USP53: variants seen among roughly 807,000 people sequenced by gnomAD.
The protein encoded by USP53 is ubiquitin carboxyl-terminal hydrolase 53.
A neutral mutation model predicts 94.9 loss-of-function variants in USP53; 71 were observed. The observed-to-expected ratio is 0.75, with a 90% CI of 0.62 to 0.91. The LOEUF (loss-of-function observed/expected upper bound fraction) is 0.91. Among genes scored for constraint, USP53 ranks in the 40% least tolerant of loss-of-function variants. The pLI, the probability that USP53 is intolerant of heterozygous loss-of-function variation, is 0.00. For missense variants in USP53, 1,173 were observed against 1,281.0 expected (o/e 0.92, Z 1.29); for synonymous variants, 375 against 422.7 (o/e 0.89, Z 1.39).
In USP53 at chr4:119,292,600, G is replaced by A. The variant is rs200994396; in HGVS notation, c.2611G>A (p.Gly871Arg). 2.5e-6 allele frequency: 4 copies of A among 1,613,848 alleles called. No individual in the cohort carries two copies. The highest frequency in any genetic ancestry group is 2.5e-6 in the Non-Finnish European group (3 of 1,179,948). The stretch of plus-strand genomic sequence containing the variant: ...ATGGTCTTCACACCTAAGAACTGTT[G>A]GGTTAAAGCCAGAAACTGCTCCTCT... ...SLWSSHLRTV[G>R]LKPETAPLIQ... The change falls in exon 19 of 19, where the codon GGG (glycine) becomes AGG (arginine). Residue 871 changes from glycine (G) to arginine (R), a missense_variant. Physicochemically the swap from Gly to Arg is moderately radical, Grantham distance 125 (BLOSUM62 -2). Coordinates refer to ENST00000692078, the MANE Select transcript of USP53 (RefSeq NM_001371395.1).
chr4:119,253,374 G>C lies in USP53; in HGVS notation c.373-2872G>C, dbSNP rs117420077. Among the ~76,000 whole-genome samples, 470 of 152,218 alleles carry C rather than the reference G, an allele frequency of 3.1e-3. 14 individuals carry two copies. In the East Asian group the frequency reaches 0.06, roughly 19 times the overall value. On this transcript the variant is annotated intron_variant, in intron 7 of 18. Transcript: ENST00000692078. ...TCTAAGTCCCTTTGTAGAAATCTAAGGACTTGCTTCATGAATCTGGGTGCT... is the reference window on the plus strand; with the variant it reads ...TCTAAGTCCCTTTGTAGAAATCTAACGACTTGCTTCATGAATCTGGGTGCT...
intron 1 of USP53, among the ~76,000 whole-genome samples, chr4:119,213,643 T>G (rs1240088271): frequency 7.4e-6 from 1 of 134,278 alleles, no homozygotes; most frequent in Non-Finnish European, 1.6e-5. Flanking sequence ...TGGAAATAGA[T>G]ATATATATAT....
chr4:119,240,243 C>T (rs969989511), intron 5 of USP53, among the ~76,000 whole-genome samples: 1 of 151,922 alleles, frequency 6.6e-6, no homozygotes, highest in Non-Finnish European at 1.5e-5. Flanking sequence ...TATATGGATC[C>T]CTGTAGATAG....
chr4:119,279,930 G>A (rs938409473), intron 17 of USP53, among the ~76,000 whole-genome samples: 13 of 152,322 alleles, frequency 8.5e-5, no homozygotes, highest in African/African-American at 2.9e-4. Flanking sequence ...GTGCTTCCCA[G>A]GTGAGGCAAT....
intron 3 of USP53, among the ~76,000 whole-genome samples, chr4:119,222,124 A>T (rs1744619157): frequency 6.6e-6 from 1 of 151,746 alleles, no homozygotes; most frequent in African/African-American, 2.4e-5. Flanking sequence ...TAGTTTTTTT[A>T]TTTTCTTCCT....
At chr4:119,224,645 A>G (rs1745006303) in intron 3 of USP53, among the ~76,000 whole-genome samples, 3 of 152,186 alleles carry the variant, frequency 2.0e-5, no homozygotes, top group African/African-American at 7.2e-5. Flanking sequence ...CAGAGAGGAA[A>G]CTCTGGCAAT....
chr4:119,213,674 ATGTATG>A (rs1743276529), intron 1 of USP53, among the ~76,000 whole-genome samples: 1 of 77,604 alleles, frequency 1.3e-5, no homozygotes, highest in African/African-American at 4.8e-5. Context: ...GTGTGTGTGT[ATGTATG>A]TATGTATAAA....
intron 17 of USP53, among the ~76,000 whole-genome samples, chr4:119,286,418 C>A (rs752251414): frequency 5.3e-5 from 8 of 151,252 alleles, no homozygotes; most frequent in Non-Finnish European, 8.9e-5. Flanking sequence ...TTGCGAATAA[C>A]CTGGAGCCAA....
At chr4:119,231,198 A>G (rs1428743145) in intron 3 of USP53, among the ~76,000 whole-genome samples, 2 of 152,232 alleles carry the variant, frequency 1.3e-5, no homozygotes, top group Non-Finnish European at 2.9e-5. Flanking sequence ...AAGTGGATGC[A>G]GAGGTAACAT....
chr4:119,248,376 T>C (rs1271364050), intron 6 of USP53, among the ~76,000 whole-genome samples: 1 of 127,462 alleles, frequency 7.8e-6, no homozygotes, highest in Non-Finnish European at 1.7e-5. Flanking sequence ...TGCAAACATT[T>C]CTACACTTGA....
intron 3 of USP53, among the ~76,000 whole-genome samples, chr4:119,221,684 A>G (rs2149267565): frequency 6.6e-6 from 1 of 152,280 alleles, no homozygotes; most frequent in South Asian, 2.1e-4. Flanking sequence ...TGCCAGAGAT[A>G]GCAACAGGGC....
rs187230007 is a variant in USP53, at chr4:119,215,361, C to T, written c.-789+1139C>T. ...CTGCTCTACTACAAGTAAAAATCCT[C>T]AAAGGTTAAATTTTAAATAGCTTTA... is the stretch of plus-strand genomic sequence containing the variant. On this transcript the variant is annotated intron_variant, in intron 2 of 18. Transcript: ENST00000692078. Among the ~76,000 whole-genome samples, 28 of 152,222 alleles carry T rather than the reference C, an allele frequency of 1.8e-4. 1 individual carries two copies. The East Asian group carries it at 5.4e-3, about 29-fold the overall frequency.
intron 18 of USP53, 48 bp from the exon 19 acceptor site, chr4:119,292,290 T>A (rs1754846650): frequency 6.8e-7 from 1 of 1,480,830 alleles, no homozygotes; most frequent in African/African-American, 1.4e-5. Flanking sequence ...CCTAGTTTCA[T>A]ATATTTGCAT....
chr4:119,269,604 T>G (rs904788058), intron 14 of USP53, 87 bp from the exon 15 acceptor site: 26 of 929,128 alleles, frequency 2.8e-5, no homozygotes, highest in Admixed American at 1.3e-4. Context: ...TAAATATATC[T>G]TAACATTTTT....
rs1324267063 is a variant in USP53, at chr4:119,271,695, A to G, written c.1835A>G (p.Asn612Ser). The G allele has an allele frequency of 1.9e-6, 3 of 1,613,962 alleles. No homozygotes were observed. Among genetic ancestry groups the G allele is most frequent in the East Asian group, 2.2e-5 (1 of 44,886 alleles). The stretch of plus-strand genomic sequence containing the variant: ...CAGCATAGTCCAAGACATAAACCAA[A>G]TATCAGTAATAAGCCTAAATCTAGC... ...KRQHSPRHKP[N>S]ISNKPKSSKD... is the part of the protein sequence containing the mutation. Residue 612 changes from asparagine to serine, a missense_variant, in exon 16 of 19, where the codon AAT becomes AGT. Coordinates refer to ENST00000692078, the MANE Select transcript of USP53 (RefSeq NM_001371395.1).
At position 119,260,510 on chromosome 4, in the gene USP53, A is replaced by T; in HGVS notation, c.679A>T (p.Asn227Tyr). Residue 227 changes from asparagine to tyrosine, a missense_variant, in exon 11 of 19, where the codon AAC becomes TAC. Physicochemically the swap from Asn to Tyr is moderately radical, Grantham distance 143 (BLOSUM62 -2). Transcript: ENST00000692078. ...AAACTTTTATGTTTTTCTGTAGAGT[A>T]ACTGTGGCCAAAAAATAAAAATTCG... ...TTDDYRKCPS[N>Y]CGQKIKIRRV... 1 of 1,613,504 alleles carries T rather than the reference A, an allele frequency of 6.2e-7. No individual in the cohort carries two copies. The highest frequency in any genetic ancestry group is 8.5e-7 in the Non-Finnish European group (1 of 1,179,646).
chr4:119,265,613 G>C (rs1751023958), intron 12 of USP53, among the ~76,000 whole-genome samples: 1 of 152,092 alleles, frequency 6.6e-6, no homozygotes, highest in Non-Finnish European at 1.5e-5. Context: ...GGAGGTTGCA[G>C]TGAGCCGAGA....
chr4:119,233,880 C>T (rs1178610555), intron 3 of USP53, among the ~76,000 whole-genome samples: 1 of 152,086 alleles, frequency 6.6e-6, no homozygotes, highest in African/African-American at 2.4e-5. Context: ...TAACATGTGT[C>T]TTTGTGTAAT....
chr4:119,290,536 T>C (rs1358810612), intron 17 of USP53, among the ~76,000 whole-genome samples: 1 of 152,206 alleles, frequency 6.6e-6, no homozygotes, highest in Non-Finnish European at 1.5e-5. Flanking sequence ...CATTTCTTTA[T>C]AAGGTTATTG....
Sources: gnomAD v4.1 joint callset for allele counts (sites outside exome capture counted in the v4.1 genomes callset) on GRCh38, gnomAD v4.1.1 for gene constraint, MANE v1.5 for transcripts, NCBI Gene and HGNC (gene_info 2026-07-23, HGNC 2026-07-21) for gene names.